Variants in CNTNAP3B observed in about 807,000 individuals in gnomAD.
The protein encoded by CNTNAP3B is contactin-associated protein-like 3B.
In CNTNAP3B, 25 loss-of-function variants were observed where a neutral mutation model predicts 108.9. That is an observed-to-expected ratio of 0.23 (90% CI 0.17 to 0.32). The LOEUF (loss-of-function observed/expected upper bound fraction) is 0.32. Ranked by LOEUF, CNTNAP3B falls within the 10% of genes least tolerant of loss-of-function variation. The pLI, the probability that CNTNAP3B is intolerant of heterozygous loss-of-function variation, is 1.00. For synonymous variants in CNTNAP3B, 103 were observed against 473.4 expected (o/e 0.22, Z 10.16); for missense variants, 252 against 1,210.4 (o/e 0.21, Z 11.75).
chr9:41,955,992 G>A (rs1330363469), intron 12 of CNTNAP3B, among the ~76,000 whole-genome samples: 3 of 152,226 alleles, frequency 2.0e-5, no homozygotes, highest in East Asian at 3.8e-4. Context: ...TCAGCCCACA[G>A]TTGGGCAAAA....
chr9:42,112,977 G>A lies in CNTNAP3B; in HGVS notation c.86-8238C>T, dbSNP rs1403478305. ...TCACCATGTTAGCCAAGATAGTATC[G>A]ATCTCCTGATCTCGTGATCCACCTG... On this transcript the variant is annotated intron_variant, in intron 1 of 23. Coordinates refer to ENST00000377561, the MANE Select transcript of CNTNAP3B (RefSeq NM_001201380.3). Among the ~76,000 whole-genome samples, 9 of 127,210 alleles carry A rather than the reference G, an allele frequency of 7.1e-5. 1 individual carries two copies. The highest frequency in any genetic ancestry group is 1.1e-4 in the Non-Finnish European group (7 of 61,402). The allele number at this position is 127,210 out of a possible 152,430, so 83.5% of individuals were successfully genotyped here. A position where few individuals can be genotyped will look rare whatever the true frequency, so the allele number is the denominator to read the frequency against.
At chr9:41,913,400 C>T (rs1272849328) in intron 18 of CNTNAP3B, among the ~76,000 whole-genome samples, 1 of 151,732 alleles carries the variant, frequency 6.6e-6, no homozygotes, top group South Asian at 2.1e-4. Context: ...TTTTCTTTTT[C>T]TATGTGTTTC....
Position 42,056,639 on chromosome 9 carries a change from C to T in CNTNAP3B, c.390+20230G>A, listed in dbSNP as rs1276625842. On this transcript the variant is annotated intron_variant, in intron 3 of 23. Transcript: ENST00000377561. ...TGCTGGGATTACGGGTGTGAGCCAC[C>T]GCGCCAAGCATTATCTCATAAATTT... 3.5e-4 allele frequency among the ~76,000 whole-genome samples: 49 copies of T among 138,198 alleles called. 8 individuals are homozygous for T. Among genetic ancestry groups the T allele is most frequent in the African/African-American group, 6.0e-4 (21 of 34,854 alleles). 90.7% of individuals were successfully genotyped at this position (138,198 alleles called of 152,430 possible). A position where few individuals can be genotyped will look rare whatever the true frequency, so the allele number is the denominator to read the frequency against.
chr9:42,019,593 A>G (rs1587203553), intron 3 of CNTNAP3B, among the ~76,000 whole-genome samples: 1 of 4,670 alleles, frequency 2.1e-4, no homozygotes, highest in East Asian at 5.8e-3. Flanking sequence ...CTCTACTTCA[A>G]AAAAAAAAAA....
chr9:41,940,984 AAATAT>A lies in CNTNAP3B; in HGVS notation c.2081-2589_2081-2585del, dbSNP rs1167589481. The stretch of plus-strand genomic sequence containing the variant: ...AAATGAAAAGAGAAGAAATATGGAT[AAATAT>A]AATAGACTATCCTTATCAATTTTTG... On this transcript the variant is annotated intron_variant, in intron 13 of 23. Coordinates refer to ENST00000377561, the MANE Select transcript of CNTNAP3B (RefSeq NM_001201380.3). Among the ~76,000 whole-genome samples the A allele has an allele frequency of 3.3e-5, 5 of 152,310 alleles. No individual in the cohort carries two copies. In the East Asian group the frequency reaches 5.8e-4, roughly 18 times the overall value.
At chr9:41,931,379 A>C (rs1488249179) in intron 14 of CNTNAP3B, among the ~76,000 whole-genome samples, 1 of 152,222 alleles carries the variant, frequency 6.6e-6, no homozygotes, top group Non-Finnish European at 1.5e-5. Flanking sequence ...ACTGTTAACT[A>C]TAATTTCTCT....
At chr9:42,020,221 AT>A (rs1207251223) in intron 3 of CNTNAP3B, among the ~76,000 whole-genome samples, 63 of 144,636 alleles carry the variant, frequency 4.4e-4, no homozygotes, top group African/African-American at 1.5e-3. Flanking sequence ...CTTAAATGTA[AT>A]TTTTAAAATA....
chr9:42,125,629 G>C lies in CNTNAP3B; in HGVS notation c.85+3381C>G, dbSNP rs547766833. On this transcript the variant is annotated intron_variant, in intron 1 of 23. Coordinates refer to ENST00000377561, the MANE Select transcript of CNTNAP3B (RefSeq NM_001201380.3). The stretch of plus-strand genomic sequence containing the variant: ...CTCCGTACTGTTTGTATAGAGTTTG[G>C]TGAAAATGAATAAAGGCATGTGAAC... Among the ~76,000 whole-genome samples the C allele has an allele frequency of 1.8e-3, 251 of 136,652 alleles. 56 individuals carry two copies. The highest frequency in any genetic ancestry group is 7.1e-3 in the African/African-American group (245 of 34,632). The allele number at this position is 136,652 out of a possible 152,430, so 89.6% of individuals were successfully genotyped here.
chr9:41,942,136 T>C (rs1824366559), intron 13 of CNTNAP3B, among the ~76,000 whole-genome samples: 1 of 152,250 alleles, frequency 6.6e-6, no homozygotes, highest in Non-Finnish European at 1.5e-5. Context: ...AAGGTCACAG[T>C]CCAGGAAGAC....
intron 15 of CNTNAP3B, among the ~76,000 whole-genome samples, chr9:41,927,575 A>G (rs1013584947): frequency 6.6e-6 from 1 of 151,446 alleles, no homozygotes; most frequent in African/African-American, 2.4e-5. Flanking sequence ...GGAAGGAGCC[A>G]TCTGAATGGG....
intron 3 of CNTNAP3B, among the ~76,000 whole-genome samples, chr9:42,018,410 C>T (rs1270469652): frequency 2.2e-5 from 3 of 139,212 alleles, no homozygotes; most frequent in Non-Finnish European, 3.1e-5. Flanking sequence ...TGATTCCTCA[C>T]TGAGGAAGGT....
chr9:41,921,708 G>T (rs1453188515), intron 17 of CNTNAP3B, among the ~76,000 whole-genome samples: 1 of 152,256 alleles, frequency 6.6e-6, no homozygotes, highest in Non-Finnish European at 1.5e-5. Context: ...GACTTCCAGA[G>T]CTATCACCTT....
Position 41,979,045 on chromosome 9 carries a change from G to A in CNTNAP3B, c.1477+7123C>T, listed in dbSNP as rs532180544. 2.1e-4 allele frequency among the ~76,000 whole-genome samples: 29 copies of A among 138,738 alleles called. 5 individuals are homozygous for A. Among genetic ancestry groups the A allele is most frequent in the African/African-American group, 8.3e-4 (29 of 34,788 alleles). The allele number at this position is 138,738 out of a possible 152,430, so 91.0% of individuals were successfully genotyped here. On this transcript the variant is annotated intron_variant, in intron 9 of 23. Coordinates refer to ENST00000377561, the MANE Select transcript of CNTNAP3B (RefSeq NM_001201380.3). ...CATCCCCAGGTGGGATGTGGGGTCA[G>A]GGAGGAACCCAGTAAACAGCCCTGG...
chr9:41,945,997 C>A (rs879202530), intron 13 of CNTNAP3B, among the ~76,000 whole-genome samples: 1 of 152,268 alleles, frequency 6.6e-6, no homozygotes, highest in Non-Finnish European at 1.5e-5. Context: ...TGAAAAAGGG[C>A]ATTACACAAT....
intron 11 of CNTNAP3B, among the ~76,000 whole-genome samples, chr9:41,963,134 G>T (rs914618525): frequency 6.6e-6 from 1 of 152,290 alleles, no homozygotes; most frequent in Non-Finnish European, 1.5e-5. Context: ...AATTCTCATT[G>T]CATGTATGAA....
intron 4 of CNTNAP3B, among the ~76,000 whole-genome samples, chr9:42,000,552 A>G (rs1285318410): frequency 7.8e-6 from 1 of 127,456 alleles, no homozygotes; most frequent in Non-Finnish European, 1.6e-5. Context: ...GATTATTGCA[A>G]CCTATACATT....
chr9:42,015,642 T>A (rs891819629), intron 3 of CNTNAP3B, among the ~76,000 whole-genome samples: 5 of 30,862 alleles, frequency 1.6e-4, no homozygotes, highest in African/African-American at 5.3e-4. Flanking sequence ...CTGCTGTGAC[T>A]GTGACCCAGG....
rs189745117 is a variant in CNTNAP3B, at chr9:42,110,365, C to T, written c.86-5626G>A. Among the ~76,000 whole-genome samples the T allele has an allele frequency of 1.3e-4, 18 of 136,786 alleles. 5 individuals are homozygous for T. Among genetic ancestry groups the T allele is most frequent in the African/African-American group, 3.2e-4 (11 of 34,082 alleles). The allele number at this position is 136,786 out of a possible 152,430, so 89.7% of individuals were successfully genotyped here. A position where few individuals can be genotyped will look rare whatever the true frequency, so the allele number is the denominator to read the frequency against. On this transcript the variant is annotated intron_variant, in intron 1 of 23. Transcript: ENST00000377561. ...TGAAAGGAGCTAAGCACTGTGTCGG[C>T]GGAACCTAAGGATGGAAGGAGAGGG...
intron 18 of CNTNAP3B, among the ~76,000 whole-genome samples, chr9:41,918,113 C>G (rs962659980): frequency 6.6e-6 from 1 of 151,720 alleles, no homozygotes; most frequent in African/African-American, 2.4e-5. Flanking sequence ...CTTATGTGGC[C>G]AGCCTGGAAA....
Sources: gnomAD v4.1 joint callset for allele counts (sites outside exome capture counted in the v4.1 genomes callset) on GRCh38, gnomAD v4.1.1 for gene constraint, MANE v1.5 for transcripts, NCBI Gene and HGNC (gene_info 2026-07-23, HGNC 2026-07-21) for gene names.